The following SH3D19 variants were observed in gnomAD, a reference collection of about 807,000 sequenced individuals.
SH3D19 encodes the protein SH3 domain-containing protein 19.
SH3D19 carries 58 observed loss-of-function variants against 112.1 expected under a neutral mutation model. That is an observed-to-expected ratio of 0.52 (90% CI 0.42 to 0.64). The LOEUF (loss-of-function observed/expected upper bound fraction) is 0.64. Ranked by LOEUF, SH3D19 falls within the 30% of genes least tolerant of loss-of-function variation. The pLI, the probability that SH3D19 is intolerant of heterozygous loss-of-function variation, is 0.00. For missense variants in SH3D19, 1,090 were observed against 1,263.4 expected (o/e 0.86, Z 2.08); for synonymous variants, 391 against 448.5 (o/e 0.87, Z 1.62).
chr4:151,133,195 T>C lies in SH3D19; in HGVS notation c.2528A>G (p.Gln843Arg), dbSNP rs868147500. Residue 843 changes from glutamine (Q) to arginine (R), a missense_variant, in exon 16 of 20, where the codon CAG becomes CGG. Transcript: ENST00000604030. ...CVARFEYIGEQKDELSFSEGE... is the reference protein window; with the variant it reads ...CVARFEYIGERKDELSFSEGE... ...CTCTGAGAAACTCAACTCATCCTTC[T>C]GCTCTCCAATATATTCAAACCGAGC... 2 of 1,614,178 alleles carry C rather than the reference T, an allele frequency of 1.2e-6. No individual in the cohort carries two copies. The highest frequency in any genetic ancestry group is 1.7e-6 in the Non-Finnish European group (2 of 1,180,026).
At chr4:151,128,144 G>C (rs77084366) in intron 18 of SH3D19, 26 bp downstream of exon 18, 2 of 1,554,066 alleles carry the variant, frequency 1.3e-6, no homozygotes, top group Non-Finnish European at 1.7e-6. Context: ...GTGAGGAGTC[G>C]CATTCATGTC....
intron 1 of SH3D19, among the ~76,000 whole-genome samples, chr4:151,296,544 T>C (rs11945449): frequency 0.032 from 4,869 of 152,228 alleles, 272 homozygotes; most frequent in African/African-American, 0.11. Context: ...AACAAACTTA[T>C]TATTTACTGG....
chr4:151,314,308 C>G (rs1729781372), intron 1 of SH3D19, among the ~76,000 whole-genome samples: 1 of 152,224 alleles, frequency 6.6e-6, no homozygotes, highest in Non-Finnish European at 1.5e-5. Context: ...TATTCAGATT[C>G]TAAAGGCTTC....
rs34575245 is a variant in SH3D19, at chr4:151,216,877, CTGTGTGTG to C, written c.152+9162_152+9169del. 7.8e-3 allele frequency among the ~76,000 whole-genome samples: 1,101 copies of C among 140,854 alleles called. 7 individuals are homozygous for C. The highest frequency in any genetic ancestry group is 0.017 in the African/African-American group (637 of 38,542). The allele number at this position is 140,854 out of a possible 152,430, so 92.4% of individuals were successfully genotyped here. ...TTCTGAAAACCACAACAAAACAACA[CTGTGTGTG>C]TGTGTGTGTGTGTGTGTGTGTGTGT... is the stretch of plus-strand genomic sequence containing the variant. On this transcript the variant is annotated intron_variant, in intron 2 of 19. Transcript: ENST00000604030.
At chr4:151,228,114 T>C (rs1269625771) in intron 1 of SH3D19, 2 of 830,968 alleles carry the variant, frequency 2.4e-6, no homozygotes, top group African/African-American at 3.7e-5. Flanking sequence ...ACAAATGTCT[T>C]CTCATAGCAC....
rs770402637 is a variant in SH3D19, at chr4:151,174,859, G to C, written c.1345C>G (p.Arg449Gly). The C allele has an allele frequency of 1.2e-6, 2 of 1,601,978 alleles. No homozygotes were observed. The change falls in exon 7 of 20, where the codon CGA (arginine) becomes GGA (glycine). Residue 449 changes from arginine to glycine, a missense_variant. Physicochemically the swap from Arg to Gly is moderately radical, Grantham distance 125 (BLOSUM62 -2). Transcript: ENST00000604030. ...APLKPVTVPPRLAGASQAKAY... is the reference protein window; with the variant it reads ...APLKPVTVPPGLAGASQAKAY... ...TTGGCTTGTGATGCCCCTGCGAGTC[G>C]GGGAGGAACAGTGACAGGTTTCAGT...
At chr4:151,290,717 C>T (rs1395421156) in intron 1 of SH3D19, among the ~76,000 whole-genome samples, 1 of 152,138 alleles carries the variant, frequency 6.6e-6, no homozygotes, top group Admixed American at 6.6e-5. Flanking sequence ...GAGAACAAGA[C>T]TAGAAGACTA....
intron 1 of SH3D19, chr4:151,283,095 T>C: frequency 1.9e-6 from 3 of 1,611,882 alleles, no homozygotes; most frequent in Non-Finnish European, 2.5e-6. Flanking sequence ...CTTTAATCTT[T>C]TGTTCCTGTC....
chr4:151,312,870 C>A (rs560390252), intron 1 of SH3D19, among the ~76,000 whole-genome samples: 2 of 150,026 alleles, frequency 1.3e-5, no homozygotes, highest in East Asian at 2.0e-4. Context: ...CACTGCACTC[C>A]AGCCTGGGTG....
rs533396497 is a variant in SH3D19, at chr4:151,131,534, G to A, written c.2742+797C>T. Among the ~76,000 whole-genome samples, 21 of 148,308 alleles carry A rather than the reference G, an allele frequency of 1.4e-4. No individual in the cohort carries two copies. In the South Asian group the frequency reaches 3.8e-3, roughly 27 times the overall value. Reference sequence around the variant, plus strand: ...CAGAGTCTTGCTCTGTCTCCCAGGCGGGAGTGCAGTGGCGCAATCTTGGCT... The same window carrying A: ...CAGAGTCTTGCTCTGTCTCCCAGGCAGGAGTGCAGTGGCGCAATCTTGGCT... On this transcript the variant is annotated intron_variant, in intron 17 of 19. Coordinates refer to ENST00000604030, the MANE Select transcript of SH3D19 (RefSeq NM_001378122.1).
intron 1 of SH3D19, chr4:151,227,816 T>A (rs1348455744): frequency 3.0e-6 from 3 of 985,360 alleles, no homozygotes; most frequent in African/African-American, 3.5e-5. Context: ...GTGGCTGTGA[T>A]CCTAGTTACA....
chr4:151,241,275 A>C (rs1056406259), intron 1 of SH3D19, among the ~76,000 whole-genome samples: 1 of 151,952 alleles, frequency 6.6e-6, no homozygotes, highest in African/African-American at 2.4e-5. Context: ...CTGGGTTACA[A>C]AGCGAGGCCC....
intron 1 of SH3D19, among the ~76,000 whole-genome samples, chr4:151,272,067 C>T (rs1318285233): frequency 1.3e-5 from 2 of 152,308 alleles, no homozygotes; most frequent in East Asian, 3.9e-4. Flanking sequence ...TTGCTTCCAA[C>T]TCTTTGGCAC....
intron 1 of SH3D19, among the ~76,000 whole-genome samples, chr4:151,260,486 T>C (rs11734727): frequency 0.35 from 52,690 of 152,128 alleles, 10,319 homozygotes; most frequent in Non-Finnish European, 0.46. Context: ...ATGCAATGCA[T>C]ATACCATTCT....
intron 12 of SH3D19, among the ~76,000 whole-genome samples, chr4:151,143,582 T>G (rs1753396713): frequency 6.6e-6 from 1 of 152,094 alleles, no homozygotes; most frequent in Non-Finnish European, 1.5e-5. Context: ...AAACCAAGTA[T>G]TTTACTTGAT....
chr4:151,283,118 T>C (rs772665131), intron 1 of SH3D19: 35 of 1,613,552 alleles, frequency 2.2e-5, no homozygotes, highest in Non-Finnish European at 2.5e-5. Context: ...CCTCCACAGA[T>C]AGAGATTACC....
At chr4:151,321,743 T>C (rs985047977) in intron 1 of SH3D19, among the ~76,000 whole-genome samples, 5 of 152,244 alleles carry the variant, frequency 3.3e-5, no homozygotes, top group African/African-American at 9.6e-5. Context: ...ATAAATGTTA[T>C]CTGGGAATGT....
At chr4:151,255,489 T>C (rs1478517475) in intron 1 of SH3D19, among the ~76,000 whole-genome samples, 1 of 144,124 alleles carries the variant, frequency 6.9e-6, no homozygotes, top group Non-Finnish European at 1.5e-5. Context: ...AAGAGGTGCT[T>C]CTCACTTCCT....
intron 1 of SH3D19, among the ~76,000 whole-genome samples, chr4:151,298,187 T>C (rs906332262): frequency 7.1e-6 from 1 of 140,142 alleles, no homozygotes; most frequent in Non-Finnish European, 1.6e-5. Context: ...ATAAATTTTT[T>C]TTTTTTTTTT....
Sources: gnomAD v4.1 joint callset for allele counts (sites outside exome capture counted in the v4.1 genomes callset) on GRCh38, gnomAD v4.1.1 for gene constraint, MANE v1.5 for transcripts, NCBI Gene and HGNC (gene_info 2026-07-23, HGNC 2026-07-21) for gene names.